Variants in RGS6 observed in about 807,000 individuals in gnomAD.
RGS6 encodes the protein regulator of G protein signaling 6.
RGS6 carries 30 observed loss-of-function variants against 78.5 expected under a neutral mutation model. The observed-to-expected ratio is 0.38, with a 90% CI of 0.29 to 0.52. The LOEUF is 0.52. RGS6 is among the 20% of genes least tolerant of loss of function. RGS6 has a pLI of 0.85. For missense variants in RGS6, 495 were observed against 609.7 expected, an observed-to-expected ratio of 0.81 and a Z score of 1.98; for synonymous variants, 206 against 206.0, an observed-to-expected ratio of 1.00 and a Z score of 0.00.
At chr14:72,230,519 A>G (rs754994669) in intron 2 of RGS6, among the ~76,000 whole-genome samples, 2 of 152,192 alleles carry the variant, frequency 1.3e-5, no homozygotes, top group Non-Finnish European at 2.9e-5. Flanking sequence ...TCCAACTAAG[A>G]TTGGAAACTG....
chr14:72,376,468 T>C (rs968934112), intron 3 of RGS6, among the ~76,000 whole-genome samples: 2 of 152,172 alleles, frequency 1.3e-5, no homozygotes, highest in African/African-American at 2.4e-5. Flanking sequence ...TTTCCAAGTC[T>C]TGGGAGAAAG....
intron 3 of RGS6, among the ~76,000 whole-genome samples, chr14:72,399,363 T>C (rs931880855): frequency 3.3e-5 from 5 of 152,146 alleles, no homozygotes; most frequent in African/African-American, 7.2e-5. Context: ...ACCCCTGCCT[T>C]TTTTTGTTTT....
At chr14:72,056,694 AGAGT>A (rs751410568) in intron 2 of RGS6, among the ~76,000 whole-genome samples, 1 of 152,208 alleles carries the variant, frequency 6.6e-6, no homozygotes, top group Non-Finnish European at 1.5e-5. Context: ...GCCACCCCAC[AGAGT>A]GAGGACTTTA....
chr14:72,406,368 G>A (rs2092927878), intron 3 of RGS6, among the ~76,000 whole-genome samples: 1 of 151,706 alleles, frequency 6.6e-6, no homozygotes, highest in Non-Finnish European at 1.5e-5. Flanking sequence ...TGGTGACAGA[G>A]TGAGACTCCA....
chr14:72,152,749 G>A (rs2096712809), intron 2 of RGS6, among the ~76,000 whole-genome samples: 1 of 152,156 alleles, frequency 6.6e-6, no homozygotes, highest in Admixed American at 6.5e-5. Flanking sequence ...CACTTCAGGG[G>A]AGGGAACTAG....
intron 2 of RGS6, among the ~76,000 whole-genome samples, chr14:72,150,221 G>T (rs778462305): frequency 6.6e-6 from 1 of 152,124 alleles, no homozygotes; most frequent in Non-Finnish European, 1.5e-5. Context: ...AGCCCATGGG[G>T]AGATGCAGAA....
the RGS6 span, among the ~76,000 whole-genome samples, chr14:72,597,904 T>G: frequency 1.3e-5 from 2 of 152,158 alleles, no homozygotes; most frequent in Non-Finnish European, 2.9e-5. Flanking sequence ...CCGGCAGCTC[T>G]CCACACCCTC....
intron 2 of RGS6, among the ~76,000 whole-genome samples, chr14:72,158,815 T>A (rs961166935): frequency 6.6e-6 from 1 of 151,992 alleles, no homozygotes; most frequent in Admixed American, 6.6e-5. Context: ...TAGAGCAGCC[T>A]ATTTAGAATA....
At chr14:71,905,244 T>G in the RGS6 span, among the ~76,000 whole-genome samples, 1 of 152,232 alleles carries the variant, frequency 6.6e-6, no homozygotes, top group Non-Finnish European at 1.5e-5. Flanking sequence ...GACCCTTAGC[T>G]TTCCCATTCA....
chr14:72,224,646 G>GT (rs1187249261), intron 2 of RGS6, among the ~76,000 whole-genome samples: 1 of 152,164 alleles, frequency 6.6e-6, no homozygotes, highest in East Asian at 1.9e-4. Context: ...TAACTCATAA[G>GT]TTTTTTTAGG....
Position 72,408,290 on chromosome 14 carries a change from T to C in RGS6, c.185-46238T>C, listed in dbSNP as rs533863490. 1.1e-4 allele frequency among the ~76,000 whole-genome samples: 17 copies of C among 152,274 alleles called. 1 individual carries two copies. In the South Asian group the frequency reaches 3.5e-3, roughly 32 times the overall value. On this transcript the variant is annotated intron_variant, in intron 3 of 17. Transcript: ENST00000553525. ...TCAGATGACTTGCAAATTCTACTAGTTTTTCCAATTGTGTGTTTTTTGATG... is the reference window on the plus strand; with the variant it reads ...TCAGATGACTTGCAAATTCTACTAGCTTTTCCAATTGTGTGTTTTTTGATG...
At chr14:72,369,501 G>C (rs1405628408) in intron 3 of RGS6, among the ~76,000 whole-genome samples, 1 of 152,114 alleles carries the variant, frequency 6.6e-6, no homozygotes, top group Non-Finnish European at 1.5e-5. Flanking sequence ...AACTAATACA[G>C]TGCCAAAATT....
chr14:72,626,075 G>C, the RGS6 span, among the ~76,000 whole-genome samples: 8 of 152,118 alleles, frequency 5.3e-5, no homozygotes, highest in Non-Finnish European at 1.2e-4. Flanking sequence ...CTTCGGTATA[G>C]TTACATTATC....
chr14:71,941,847 A>G (rs527463527), intron 1 of RGS6, among the ~76,000 whole-genome samples: 1 of 152,304 alleles, frequency 6.6e-6, no homozygotes, highest in East Asian at 1.9e-4. Flanking sequence ...CCTCAGTGCA[A>G]TCAAGTTGAC....
chr14:72,393,818 C>G (rs751658785), intron 3 of RGS6, among the ~76,000 whole-genome samples: 1 of 152,052 alleles, frequency 6.6e-6, no homozygotes, highest in Non-Finnish European at 1.5e-5. Flanking sequence ...GGAAAATAGA[C>G]GAGTCTCAGA....
At chr14:72,156,741 G>A (rs192691987) in intron 2 of RGS6, among the ~76,000 whole-genome samples, 59 of 152,338 alleles carry the variant, frequency 3.9e-4, no homozygotes, top group Non-Finnish European at 6.5e-4. Context: ...AAAAGCTAGT[G>A]GTATGGGCCA....
At position 72,550,870 on chromosome 14, in the gene RGS6, C is replaced by T. The variant is rs545206884; in HGVS notation, c.1422+10776C>T. Among the ~76,000 whole-genome samples, 6 of 152,106 alleles carry T rather than the reference C, an allele frequency of 3.9e-5. No individual in the cohort carries two copies. In the East Asian group the frequency reaches 9.7e-4, roughly 24 times the overall value. ...GGGTGTTTTTTTTGAGACAGAGCCT[C>T]GCTTTGTTGCCTAGGCTGGAGTGCA... is the stretch of plus-strand genomic sequence containing the variant. On this transcript the variant is annotated intron_variant, in intron 17 of 17. Coordinates refer to ENST00000553525, the MANE Select transcript of RGS6 (RefSeq NM_001204424.2).
chr14:72,480,366 A>C (rs187720585), intron 12 of RGS6, among the ~76,000 whole-genome samples: 95 of 152,186 alleles, frequency 6.2e-4, no homozygotes, highest in Admixed American at 6.5e-4. Flanking sequence ...GGCCCATCCT[A>C]TTGTTTGTTT....
chr14:72,366,768 G>C (rs1262052327), intron 3 of RGS6, among the ~76,000 whole-genome samples: 1 of 152,148 alleles, frequency 6.6e-6, no homozygotes, highest in Non-Finnish European at 1.5e-5. Flanking sequence ...ACCTCAGCGT[G>C]CCAGCTCTAT....
Sources: gnomAD v4.1 joint callset for allele counts (sites outside exome capture counted in the v4.1 genomes callset) on GRCh38, gnomAD v4.1.1 for gene constraint, MANE v1.5 for transcripts, NCBI Gene and HGNC (gene_info 2026-07-23, HGNC 2026-07-21) for gene names.